The following BSPH1 variants were observed in gnomAD, a reference collection of about 807,000 sequenced individuals.
BSPH1 encodes the protein binder of sperm 1.
BSPH1 carries 21 observed loss-of-function variants against 22.5 expected under a neutral mutation model. That is an observed-to-expected ratio of 0.93 (90% confidence interval 0.66 to 1.35). BSPH1 has a LOEUF of 1.35. Among genes scored for constraint, BSPH1 ranks in the 40% most tolerant of loss-of-function variants. The pLI, the probability that BSPH1 is intolerant of heterozygous loss-of-function variation, is 0.00. For synonymous variants in BSPH1, 42 were observed against 53.6 expected, an observed-to-expected ratio of 0.78 and a Z score of 0.95; for missense variants, 141 against 154.2, an observed-to-expected ratio of 0.91 and a Z score of 0.45.
intron 4 of BSPH1, among the ~76,000 whole-genome samples, 172 bp from the exon 5 acceptor site, chr19:47,977,026 C>T (rs563828684): frequency 6.6e-6 from 1 of 152,342 alleles, no homozygotes; most frequent in Non-Finnish European, 1.5e-5. Flanking sequence ...CACACTGGTG[C>T]GCTCACACAC....
At chr19:47,990,737 C>A (rs142100587) in intron 1 of BSPH1, among the ~76,000 whole-genome samples, 1 of 152,088 alleles carries the variant, frequency 6.6e-6, no homozygotes, top group Non-Finnish European at 1.5e-5. Context: ...CCTCATCAAA[C>A]GTTGTCAGAT....
chr19:47,967,295 G>C (rs578030178), downstream of BSPH1, among the ~76,000 whole-genome samples: 39 of 152,296 alleles, frequency 2.6e-4, no homozygotes, highest in African/African-American at 9.4e-4. Flanking sequence ...CAATTATGTT[G>C]CTGCAAAGGA....
intron 4 of BSPH1, among the ~76,000 whole-genome samples, 159 bp from the exon 5 acceptor site, chr19:47,977,013 A>G (rs1185259201): frequency 6.6e-6 from 1 of 152,272 alleles, no homozygotes; most frequent in Non-Finnish European, 1.5e-5. Flanking sequence ...ACATACATGT[A>G]TGCACACTGG....
rs193149860 is a variant in BSPH1 at position 47,968,202 on chromosome 19, A to C, written c.*10T>G. 16 of 152,280 alleles carry C rather than the reference A, an allele frequency of 1.1e-4. No homozygotes were observed. The highest frequency in any genetic ancestry group is 3.4e-4 in the African/African-American group (14 of 41,548). 9.4% of individuals were successfully genotyped at this position (152,280 alleles called of 1,614,324 possible). On this transcript the variant is annotated 3_prime_UTR_variant, in exon 6 of 6. Transcript: ENST00000344839. ...TCTGTATCTGATAGCCAGCAGATGC[A>C]AGCAAACCTAACCCAAAGAACAGAA...
intron 5 of BSPH1, 128 bp downstream of exon 5, chr19:47,976,582 G>GA (rs770125279): frequency 0.16 from 63,693 of 401,282 alleles, 676 homozygotes; most frequent in East Asian, 0.26. Flanking sequence ...TCACATCCCA[G>GA]AAAAAAAAAA....
At chr19:47,973,181 C>T (rs1252590378) in intron 5 of BSPH1, among the ~76,000 whole-genome samples, 2 of 150,478 alleles carry the variant, frequency 1.3e-5, no homozygotes, top group Non-Finnish European at 3.0e-5. Flanking sequence ...CGCGCCACTG[C>T]ACTCCAGCCT....
At chr19:47,973,088 G>A (rs1969325625) in intron 5 of BSPH1, among the ~76,000 whole-genome samples, 1 of 151,638 alleles carries the variant, frequency 6.6e-6, no homozygotes. Context: ...GTGGTGGCGG[G>A]CGCCTGTAGT....
chr19:47,989,001 G>A (rs962765621), intron 1 of BSPH1, among the ~76,000 whole-genome samples: 1 of 151,848 alleles, frequency 6.6e-6, no homozygotes, highest in South Asian at 2.1e-4. Flanking sequence ...CCACTAGATC[G>A]TGCACTAGTG....
intron 5 of BSPH1, among the ~76,000 whole-genome samples, chr19:47,969,098 A>G (rs919016863): frequency 5.3e-5 from 8 of 151,784 alleles, no homozygotes; most frequent in Admixed American, 2.6e-4. Context: ...CCTGGAGACT[A>G]TTGTTGTTGG....
At chr19:47,976,332 T>G (rs556763803) in intron 5 of BSPH1, among the ~76,000 whole-genome samples, 17 of 152,080 alleles carry the variant, frequency 1.1e-4, no homozygotes, top group Admixed American at 2.0e-4. Flanking sequence ...GGTCTTGCTA[T>G]GTTGGTCCAG....
At chr19:47,984,299 T>A (rs972383063) in intron 1 of BSPH1, among the ~76,000 whole-genome samples, 1 of 150,908 alleles carries the variant, frequency 6.6e-6, no homozygotes, top group Non-Finnish European at 1.5e-5. Flanking sequence ...GAATTAGTCT[T>A]AGAATACTTA....
chr19:47,986,909 T>C lies in BSPH1; in HGVS notation c.73+5100A>G, dbSNP rs982010259. On this transcript the variant is annotated intron_variant, in intron 1 of 5. Transcript: ENST00000344839. ...GAGCTCAGAGGCAGAAACTATTCCA[T>C]GCCTCTCTCCTTGCTTTTGGTGGCT... Among the ~76,000 whole-genome samples, 7 of 152,326 alleles carry C rather than the reference T, an allele frequency of 4.6e-5. No individual in the cohort carries two copies. The South Asian group carries it at 1.2e-3, about 27-fold the overall frequency.
intron 5 of BSPH1, 113 bp downstream of exon 5, chr19:47,976,594 AAAC>A (rs368680253): frequency 0.077 from 42,913 of 560,028 alleles, 1,758 homozygotes; most frequent in African/African-American, 0.16. Context: ...AAAAAAAAAA[AAAC>A]AAAAAAAAAC....
intron 5 of BSPH1, 78 bp downstream of exon 5, chr19:47,976,632 C>T: frequency 8.9e-7 from 1 of 1,119,690 alleles, no homozygotes; most frequent in Non-Finnish European, 1.3e-6. Context: ...AAGGGTTCTC[C>T]TCTGCCAACA....
intron 5 of BSPH1, among the ~76,000 whole-genome samples, chr19:47,973,929 GTTC>G (rs1239380215): frequency 6.6e-6 from 1 of 151,994 alleles, no homozygotes; most frequent in Non-Finnish European, 1.5e-5. Flanking sequence ...TTAGCACTCT[GTTC>G]TTCTCCCACA....
intron 1 of BSPH1, among the ~76,000 whole-genome samples, chr19:47,982,141 A>G (rs1343148558): frequency 6.6e-6 from 1 of 152,236 alleles, no homozygotes; most frequent in Non-Finnish European, 1.5e-5. Flanking sequence ...AGCACAATTT[A>G]CCAACAAGTA....
At chr19:47,971,939 G>T (rs1028025033) in intron 5 of BSPH1, among the ~76,000 whole-genome samples, 1 of 152,174 alleles carries the variant, frequency 6.6e-6, no homozygotes, top group Non-Finnish European at 1.5e-5. Flanking sequence ...GAATAAAAAG[G>T]TTTTGGAATA....
intron 1 of BSPH1, among the ~76,000 whole-genome samples, chr19:47,990,689 T>C (rs1600095177): frequency 6.6e-6 from 1 of 152,320 alleles, no homozygotes; most frequent in African/African-American, 2.4e-5. Context: ...TTCTTCTTGG[T>C]CATTCCATAA....
chr19:47,987,435 G>T (rs1969481954), intron 1 of BSPH1, among the ~76,000 whole-genome samples: 1 of 150,570 alleles, frequency 6.6e-6, no homozygotes, highest in East Asian at 1.9e-4. Context: ...ACCCAGGTTG[G>T]AGTACAGTGG....
Sources: gnomAD v4.1 joint callset for allele counts (sites outside exome capture counted in the v4.1 genomes callset) on GRCh38, gnomAD v4.1.1 for gene constraint, MANE v1.5 for transcripts, NCBI Gene and HGNC (gene_info 2026-07-23, HGNC 2026-07-21) for gene names.